Variants in ABCF1 observed in about 807,000 individuals in gnomAD.
ABCF1 encodes the protein ATP-binding cassette sub-family F member 1.
ABCF1 carries 73 observed loss-of-function variants against 126.3 expected under a neutral mutation model. The observed-to-expected ratio is 0.58, with a 90% CI of 0.48 to 0.70. ABCF1 has a LOEUF of 0.70. ABCF1 is among the 30% of genes least tolerant of loss of function. ABCF1 has a pLI of 0.00. For missense variants in ABCF1, 786 were observed against 1,057.5 expected (o/e 0.74, Z 3.56); for synonymous variants, 345 against 396.4 (o/e 0.87, Z 1.54).
chr6:30,577,356 G>C, intron 1 of ABCF1, 53 bp from the exon 2 acceptor site: 1 of 1,587,618 alleles, frequency 6.3e-7, no homozygotes, highest in Non-Finnish European at 8.6e-7. Flanking sequence ...GGGGGGATCA[G>C]ACTGCTTTGG....
Position 30,584,660 on chromosome 6 carries a change from G to A in ABCF1, c.1391+94G>A. 6.9e-7 allele frequency: 1 copy of A among 1,451,706 alleles called. No individual in the cohort carries two copies. Among genetic ancestry groups the A allele is most frequent in the East Asian group, 2.3e-5 (1 of 43,704 alleles). The allele number at this position is 1,451,706 out of a possible 1,614,324, so 89.9% of individuals were successfully genotyped here. On this transcript the variant is annotated intron_variant, in intron 14 of 24. Coordinates refer to ENST00000326195, the MANE Select transcript of ABCF1 (RefSeq NM_001025091.2). This position sits in a 1 kb window ranked among gnomAD's most constrained non-coding sequence, Gnocchi z 4.6. ...CTCATTCTTCCAAGGCCAATAGGGA[G>A]GCTCAAGGCTTACCTCTCCCTCCTT...
At chr6:30,581,711 G>C (rs770350286) in intron 8 of ABCF1, among the ~76,000 whole-genome samples, 1 of 151,906 alleles carries the variant, frequency 6.6e-6, no homozygotes, top group Non-Finnish European at 1.5e-5. Context: ...ACGGCTACCT[G>C]ATCTTTTCTT....
chr6:30,573,975 T>A (rs990992870), intron 1 of ABCF1, among the ~76,000 whole-genome samples: 2 of 152,182 alleles, frequency 1.3e-5, no homozygotes, highest in Non-Finnish European at 2.9e-5. Context: ...AGGAGCAGCT[T>A]AAGCGATATA....
At position 30,586,344 on chromosome 6, in the gene ABCF1, C is replaced by T. The variant is rs368210218; in HGVS notation, c.1885+39C>T. 8.8e-5 allele frequency: 140 copies of T among 1,599,260 alleles called. No individual in the cohort carries two copies. In the Admixed American group the frequency reaches 1.3e-3, roughly 14 times the overall value. On this transcript the variant is annotated intron_variant, in intron 18 of 24. Coordinates refer to ENST00000326195, the MANE Select transcript of ABCF1 (RefSeq NM_001025091.2). The surrounding 1 kb of genome is among the most constrained non-coding windows in gnomAD (Gnocchi z 4.9). ...GCCTCTGCTGCTCCACAGGAAGCAC[C>T]GGAAGCATGTATGTGCACCCTAAAT...
chr6:30,579,875 A>C, intron 6 of ABCF1, 56 bp from the exon 7 acceptor site: 1 of 1,564,234 alleles, frequency 6.4e-7, no homozygotes, highest in Non-Finnish European at 8.8e-7. Flanking sequence ...ATTACACAGC[A>C]AAGTAGCACA....
chr6:30,588,652 C>T (rs903920921), intron 20 of ABCF1, among the ~76,000 whole-genome samples: 2 of 152,120 alleles, frequency 1.3e-5, no homozygotes, highest in East Asian at 3.9e-4. Flanking sequence ...AGCCACCACG[C>T]CCGGCAAACT....
Position 30,590,769 on chromosome 6 carries a change from T to A in ABCF1, c.*68T>A. ...CCTAGAAGTCCTCTGTGGTCTCCCC[T>A]CCTCTGAAGACTGCCTCTGGCCTGC... On this transcript the variant is annotated 3_prime_UTR_variant, in exon 25 of 25. Transcript: ENST00000326195. 1 of 1,507,260 alleles carries A rather than the reference T, an allele frequency of 6.6e-7. No individual in the cohort carries two copies. 93.4% of individuals were successfully genotyped at this position (1,507,260 alleles called of 1,614,324 possible).
In ABCF1 at chr6:30,577,671, C is replaced by T. The variant is rs1331754240; in HGVS notation, c.121-147C>T. ...CCCAGGAATTTGAGACCTGCACACT[C>T]CATTCTCCACAAAAAGAAAAAAAAG... On this transcript the variant is annotated intron_variant, in intron 2 of 24. Coordinates refer to ENST00000326195, the MANE Select transcript of ABCF1 (RefSeq NM_001025091.2). 3.1e-6 allele frequency: 3 copies of T among 954,044 alleles called. No individual in the cohort carries two copies. The South Asian group carries it at 4.7e-5, about 15-fold the overall frequency. 59.1% of individuals were successfully genotyped at this position (954,044 alleles called of 1,614,324 possible). A position where few individuals can be genotyped will look rare whatever the true frequency, so the allele number is the denominator to read the frequency against.
intron 6 of ABCF1, 55 bp from the exon 7 acceptor site, chr6:30,579,876 A>T: frequency 6.4e-7 from 1 of 1,569,858 alleles, no homozygotes; most frequent in Non-Finnish European, 8.7e-7. Flanking sequence ...TTACACAGCA[A>T]AGTAGCACAA....
chr6:30,589,048 G>A (rs368927838), intron 20 of ABCF1, among the ~76,000 whole-genome samples: 2 of 152,014 alleles, frequency 1.3e-5, no homozygotes, highest in South Asian at 2.1e-4. Flanking sequence ...CCCTGTCCCC[G>A]AGGGTGGAGT....
chr6:30,575,093 A>G (rs1225426663), intron 1 of ABCF1, among the ~76,000 whole-genome samples: 1 of 136,118 alleles, frequency 7.3e-6, no homozygotes, highest in Non-Finnish European at 1.6e-5. Context: ...TTTTTTTGAG[A>G]CAGTCTCGCT....
Position 30,589,946 on chromosome 6 carries a change from C to T in ABCF1, c.2205C>T (p.Ala735=). ...CLGRFGLESH[A]HTIQICKLSG... ...GCCGCTTCGGCCTGGAGAGTCACGC[C>T]CACACCATCCAGATCTGCAAACTCT... The change falls in exon 22 of 25, where the codon GCC becomes GCT. Residue 735 remains alanine (A), a synonymous_variant. Coordinates refer to ENST00000326195, the MANE Select transcript of ABCF1 (RefSeq NM_001025091.2). The T allele has an allele frequency of 6.2e-7, 1 of 1,613,730 alleles. No individual in the cohort carries two copies. The highest frequency in any genetic ancestry group is 8.5e-7 in the Non-Finnish European group (1 of 1,180,036).
At position 30,586,491 on chromosome 6, in the gene ABCF1, C is replaced by G. The variant is rs550300850; in HGVS notation, c.1903C>G (p.Gln635Glu). ...GCTTTCAGGTGTGACATTCGGCTAC[C>G]AGGGACAGAAACCACTCTTTAAGAA... Reference protein sequence around the residue: ...LGLHGVTFGYQGQKPLFKNLD... With the variant: ...LGLHGVTFGYEGQKPLFKNLD... Residue 635 changes from glutamine (Q) to glutamate (E), a missense_variant, in exon 19 of 25, where the codon CAG becomes GAG. Gln to Glu is a conservative substitution (Grantham distance 29, BLOSUM62 2). Transcript: ENST00000326195. This position sits in a 1 kb window ranked among gnomAD's most constrained non-coding sequence, Gnocchi z 4.9. 3.2e-5 allele frequency: 52 copies of G among 1,613,520 alleles called. No homozygotes were observed. The East Asian group carries it at 1.1e-3, about 35-fold the overall frequency.
At chr6:30,580,956 G>A (rs536914826) in intron 8 of ABCF1, among the ~76,000 whole-genome samples, 3 of 152,164 alleles carry the variant, frequency 2.0e-5, no homozygotes. Context: ...GTTTACAGGT[G>A]TGAGCCAGCA....
chr6:30,581,894 G>A (rs1801833968), intron 8 of ABCF1, among the ~76,000 whole-genome samples: 1 of 152,090 alleles, frequency 6.6e-6, no homozygotes, highest in South Asian at 2.1e-4. Flanking sequence ...ATTCCTGGTA[G>A]CAGAAATTAA....
rs759216375 is a variant in ABCF1, at chr6:30,586,159, C to T, written c.1739C>T (p.Thr580Ile). Residue 580 changes from threonine (T) to isoleucine (I), a missense_variant, in exon 18 of 25, where the codon ACT becomes ATT. Thr to Ile is a moderately conservative substitution (Grantham distance 89, BLOSUM62 -1). This residue lies in a region of ABCF1 where 288 missense variants were observed against 423.5 expected (regional missense o/e 0.68). Coordinates refer to ENST00000326195, the MANE Select transcript of ABCF1 (RefSeq NM_001025091.2). The surrounding 1 kb of genome is among the most constrained non-coding windows in gnomAD (Gnocchi z 4.9). Reference protein sequence around the residue: ...QAEKQTKEALTRKQQKCRRKN... With the variant: ...QAEKQTKEALIRKQQKCRRKN... The stretch of plus-strand genomic sequence containing the variant: ...GAAAAACAAACGAAGGAAGCCCTGA[C>T]TCGGAAGCAGCAGAAATGCCGACGG... The T allele has an allele frequency of 1.7e-5, 28 of 1,613,316 alleles. No individual in the cohort carries two copies. Among genetic ancestry groups the T allele is most frequent in the Non-Finnish European group, 2.4e-5 (28 of 1,179,788 alleles).
chr6:30,578,427 C>CCTTGACCATCCTACTGA (rs755383200), intron 5 of ABCF1, 42 bp downstream of exon 5: 6 of 1,613,868 alleles, frequency 3.7e-6, no homozygotes, highest in Non-Finnish European at 5.1e-6. Context: ...AAGGATGCAA[C>CCTTGACCATCCTACTGA]CTTGACCATC....
chr6:30,585,201 G>T, intron 14 of ABCF1, 59 bp from the exon 15 acceptor site: 1 of 1,462,242 alleles, frequency 6.8e-7, no homozygotes, highest in Non-Finnish European at 9.6e-7. Flanking sequence ...TTTTCTCTGG[G>T]GTTGTCTGAG....
chr6:30,575,171 G>A (rs1237447648), intron 1 of ABCF1, among the ~76,000 whole-genome samples: 2 of 149,696 alleles, frequency 1.3e-5, no homozygotes, highest in African/African-American at 4.9e-5. Context: ...CCAGGTACAA[G>A]CGATTCTCCT....
Sources: gnomAD v4.1 joint callset for allele counts (sites outside exome capture counted in the v4.1 genomes callset) on GRCh38, gnomAD v4.1.1 for gene constraint, gnomAD v4.1.1 regional missense constraint, Gnocchi (gnomAD v3.1) non-coding constraint, MANE v1.5 for transcripts, NCBI Gene and HGNC (gene_info 2026-07-23, HGNC 2026-07-21) for gene names.